The following FAM53B variants were observed in gnomAD, a reference collection of about 807,000 sequenced individuals.
FAM53B encodes family with sequence similarity 53 member B, also known as protein FAM53B.
Under a neutral mutation model 32.7 loss-of-function variants are expected in FAM53B, and 12 were observed. The ratio of observed to expected loss-of-function variants is 0.37; its 90% CI spans 0.24 to 0.59. The LOEUF (loss-of-function observed/expected upper bound fraction) is 0.59. Ranked by LOEUF, FAM53B falls within the 20% of genes least tolerant of loss-of-function variation. FAM53B has a pLI of 0.72. For synonymous variants in FAM53B, 234 were observed against 228.7 expected (o/e 1.02, Z -0.21); for missense variants, 477 against 577.7 (o/e 0.83, Z 1.79).
chr10:124,699,508 GGT>G (rs1288861825), intron 2 of FAM53B, among the ~76,000 whole-genome samples: 2 of 152,212 alleles, frequency 1.3e-5, no homozygotes, highest in African/African-American at 4.8e-5. Flanking sequence ...AACCAGCAAT[GGT>G]GCACACTATG....
At chr10:124,698,507 G>A (rs1949890631) in intron 2 of FAM53B, among the ~76,000 whole-genome samples, 1 of 152,114 alleles carries the variant, frequency 6.6e-6, no homozygotes, top group African/African-American at 2.4e-5. Flanking sequence ...GAGATGCTGG[G>A]GTCTGTCTGC....
intron 1 of FAM53B, among the ~76,000 whole-genome samples, chr10:124,714,758 CAAAAAAAAAA>C (rs71484584): frequency 3.3e-5 from 3 of 90,846 alleles, no homozygotes; most frequent in African/African-American, 5.1e-5. Flanking sequence ...GACTCCACCT[CAAAAAAAAAA>C]AAAAAAAAAA....
chr10:124,652,904 A>C (rs1440735991), intron 4 of FAM53B, among the ~76,000 whole-genome samples: 1 of 152,136 alleles, frequency 6.6e-6, no homozygotes, highest in African/African-American at 2.4e-5. Flanking sequence ...CAGGCAGACG[A>C]CGCCCTGTGT....
chr10:124,703,196 C>G (rs1949927422), intron 2 of FAM53B, among the ~76,000 whole-genome samples: 1 of 152,276 alleles, frequency 6.6e-6, no homozygotes, highest in African/African-American at 2.4e-5. Context: ...AGGCGCCCGC[C>G]TGCCACCACA....
At chr10:124,640,274 C>T (rs1949461984) in intron 4 of FAM53B, among the ~76,000 whole-genome samples, 1 of 152,224 alleles carries the variant, frequency 6.6e-6, no homozygotes, top group Non-Finnish European at 1.5e-5. Context: ...CCCTCCACAC[C>T]TCTCCGGCCA....
rs572419847 is a variant in FAM53B at position 124,694,628 on chromosome 10, C to T, written c.133+1530G>A. Among the ~76,000 whole-genome samples the T allele has an allele frequency of 4.6e-5, 7 of 152,342 alleles. No individual in the cohort carries two copies. In the South Asian group the frequency reaches 1.2e-3, roughly 27 times the overall value. On this transcript the variant is annotated intron_variant, in intron 3 of 4. Transcript: ENST00000337318. The stretch of plus-strand genomic sequence containing the variant: ...TGGGCATGCCGGGGCCTCTCTCTTT[C>T]CCAGCATGACGCAGGAAGGAAGCGC...
chr10:124,696,013 A>T, intron 3 of FAM53B, 145 bp downstream of exon 3: 1 of 692,020 alleles, frequency 1.4e-6, no homozygotes, highest in Non-Finnish European at 2.5e-6. Context: ...TAGGGGACCA[A>T]AATAGTTAAA....
chr10:124,726,959 A>T (rs1389911351), intron 1 of FAM53B, among the ~76,000 whole-genome samples: 1 of 152,188 alleles, frequency 6.6e-6, no homozygotes, highest in Admixed American at 6.5e-5. Flanking sequence ...TTACATCTTT[A>T]TTTGTAAAAA....
chr10:124,647,326 CCCCAAGGCT>C (rs1398580283), intron 4 of FAM53B, among the ~76,000 whole-genome samples: 1 of 152,138 alleles, frequency 6.6e-6, no homozygotes, highest in Admixed American at 6.5e-5. Flanking sequence ...TGAGGAGCGG[CCCCAAGGCT>C]CCAGGCCTCG....
intron 2 of FAM53B, chr10:124,703,784 G>A (rs1284549908): frequency 6.6e-6 from 1 of 152,416 alleles, no homozygotes; most frequent in Non-Finnish European, 1.5e-5. Context: ...AAAGCAAGGA[G>A]AGTTCAGGAA....
At chr10:124,727,775 G>A (rs1173322474) in intron 1 of FAM53B, among the ~76,000 whole-genome samples, 1 of 152,076 alleles carries the variant, frequency 6.6e-6, no homozygotes, top group Non-Finnish European at 1.5e-5. Context: ...GAACATGCCT[G>A]GCCCACCGTG....
intron 3 of FAM53B, among the ~76,000 whole-genome samples, chr10:124,691,482 C>A (rs1265205361): frequency 6.6e-6 from 1 of 152,190 alleles, no homozygotes; most frequent in Non-Finnish European, 1.5e-5. Context: ...GGGTTTCCAT[C>A]CAATTTTTTT....
At chr10:124,696,511 G>A (rs1013695772) in intron 2 of FAM53B, among the ~76,000 whole-genome samples, 2 of 152,152 alleles carry the variant, frequency 1.3e-5, no homozygotes, top group African/African-American at 2.4e-5. Flanking sequence ...ATGTGGAGGC[G>A]GCCCGGGGGC....
chr10:124,627,192 C>T (rs543860020), intron 4 of FAM53B, among the ~76,000 whole-genome samples: 9 of 152,314 alleles, frequency 5.9e-5, no homozygotes, highest in Admixed American at 2.0e-4. Flanking sequence ...CACAATGGGG[C>T]GGTGTGTGTT....
At chr10:124,724,166 G>T (rs1364832663) in intron 1 of FAM53B, among the ~76,000 whole-genome samples, 1 of 152,220 alleles carries the variant, frequency 6.6e-6, no homozygotes, top group African/African-American at 2.4e-5. Flanking sequence ...AAAGATCTGG[G>T]GAGATTTCCT....
chr10:124,634,360 A>G (rs79475887), intron 4 of FAM53B, among the ~76,000 whole-genome samples: 5,827 of 152,322 alleles, frequency 0.038, 178 homozygotes, highest in East Asian at 0.14. Flanking sequence ...AGGGAAACCC[A>G]CTGATACGGT....
chr10:124,697,311 C>A (rs1481336283), intron 2 of FAM53B, among the ~76,000 whole-genome samples: 1 of 152,130 alleles, frequency 6.6e-6, no homozygotes, highest in African/African-American at 2.4e-5. Context: ...GAACCCTGAA[C>A]ACTCCCCATA....
intron 1 of FAM53B, among the ~76,000 whole-genome samples, chr10:124,717,538 C>T (rs776729381): frequency 6.6e-6 from 1 of 152,236 alleles, no homozygotes; most frequent in Non-Finnish European, 1.5e-5. Context: ...TTACTTGCTG[C>T]CATCAAAGTG....
intron 1 of FAM53B, chr10:124,742,898 T>C (rs1405318062): frequency 6.6e-6 from 1 of 152,088 alleles, no homozygotes; most frequent in African/African-American, 2.4e-5. Flanking sequence ...GTGTGGCCTA[T>C]AGGAGGCAGA....
Sources: allele counts gnomAD v4.1 joint callset (sites outside exome capture counted in the v4.1 genomes callset), GRCh38; gene constraint gnomAD v4.1.1; transcripts MANE v1.5; gene names NCBI Gene and HGNC (gene_info 2026-07-23, HGNC 2026-07-21).